Variants in DAAM1 observed in about 807,000 individuals in gnomAD.
DAAM1 encodes the protein disheveled-associated activator of morphogenesis 1.
A neutral mutation model predicts 130.0 loss-of-function variants in DAAM1; 52 were observed. The observed-to-expected ratio is 0.40, with a 90% CI of 0.32 to 0.50. The LOEUF (loss-of-function observed/expected upper bound fraction) is 0.50. DAAM1 is among the 20% of genes least tolerant of loss of function. DAAM1 has a pLI of 0.61. For synonymous variants in DAAM1, 452 were observed against 444.5 expected (o/e 1.02, Z -0.21); for missense variants, 1,134 against 1,303.8 (o/e 0.87, Z 2.01).
intron 15 of DAAM1, among the ~76,000 whole-genome samples, chr14:59,338,153 G>A (rs969966476): frequency 9.2e-5 from 14 of 152,106 alleles, no homozygotes; most frequent in Non-Finnish European, 2.1e-4. Context: ...ATTGGGTACA[G>A]CAAATGTCAT....
intron 1 of DAAM1, among the ~76,000 whole-genome samples, chr14:59,189,689 A>G (rs962851767): frequency 2.6e-5 from 4 of 152,174 alleles, no homozygotes; most frequent in Admixed American, 6.5e-5. Flanking sequence ...CTGAAAGCCA[A>G]CTGCTTGTGA....
At chr14:59,254,183 T>C (rs537020451) in intron 1 of DAAM1, among the ~76,000 whole-genome samples, 5 of 152,320 alleles carry the variant, frequency 3.3e-5, no homozygotes, top group Non-Finnish European at 7.4e-5. Flanking sequence ...TAGGGGTCAT[T>C]ACACCTGGAT....
At chr14:59,354,036 A>G in intron 19 of DAAM1, 72 bp downstream of exon 19, 1 of 1,426,244 alleles carries the variant, frequency 7.0e-7, no homozygotes. Flanking sequence ...ATCCAAGTGC[A>G]TATAGTAAAC....
At chr14:59,277,528 A>G (rs1883024542) in intron 2 of DAAM1, among the ~76,000 whole-genome samples, 1 of 150,726 alleles carries the variant, frequency 6.6e-6, no homozygotes, top group African/African-American at 2.4e-5. Flanking sequence ...ATATATAAAT[A>G]TATAAAAGTA....
At chr14:59,319,180 C>T (rs541519737) in intron 4 of DAAM1, among the ~76,000 whole-genome samples, 1 of 152,272 alleles carries the variant, frequency 6.6e-6, no homozygotes, top group South Asian at 2.1e-4. Flanking sequence ...CCTTACTCAC[C>T]ATCCCCTGGT....
chr14:59,237,072 C>T (rs546017450), intron 1 of DAAM1, among the ~76,000 whole-genome samples: 2 of 152,274 alleles, frequency 1.3e-5, no homozygotes, highest in South Asian at 2.1e-4. Flanking sequence ...GCATTTAGCC[C>T]TTGGGCCGCA....
chr14:59,321,499 A>G (rs753136406), intron 5 of DAAM1, among the ~76,000 whole-genome samples: 3 of 152,244 alleles, frequency 2.0e-5, no homozygotes, highest in African/African-American at 4.8e-5. Flanking sequence ...TTCTGGCAAC[A>G]GTGATTCATT....
chr14:59,263,832 A>G (rs1882302410), intron 2 of DAAM1, 172 bp downstream of exon 2: 9 of 775,282 alleles, frequency 1.2e-5, no homozygotes, highest in African/African-American at 5.2e-5. Context: ...TGGAGAAGGA[A>G]GAGTTAGAAG....
intron 1 of DAAM1, among the ~76,000 whole-genome samples, chr14:59,223,754 G>A (rs1888850917): frequency 6.6e-6 from 1 of 152,188 alleles, no homozygotes; most frequent in Non-Finnish European, 1.5e-5. Flanking sequence ...TTGATGGTAG[G>A]AGGGGCCAAA....
At chr14:59,243,362 A>C in intron 1 of DAAM1, among the ~76,000 whole-genome samples, 1 of 152,008 alleles carries the variant, frequency 6.6e-6, no homozygotes, top group East Asian at 1.9e-4. Flanking sequence ...TCCTTTTTAG[A>C]CTGCCTTTAA....
intron 2 of DAAM1, among the ~76,000 whole-genome samples, chr14:59,284,814 G>A (rs756613996): frequency 6.6e-6 from 1 of 152,072 alleles, no homozygotes. Context: ...AAAAATATGG[G>A]ATTATGTGAA....
intron 18 of DAAM1, among the ~76,000 whole-genome samples, chr14:59,353,268 C>T (rs1341083167): frequency 6.6e-6 from 1 of 152,170 alleles, no homozygotes; most frequent in Non-Finnish European, 1.5e-5. Flanking sequence ...TAGAGAAGGA[C>T]CAGTGGTCCT....
rs114547509 is a variant in DAAM1, at chr14:59,208,688, T to C, written c.-38+19920T>C. Among the ~76,000 whole-genome samples the C allele has an allele frequency of 5.4e-3, 826 of 152,270 alleles. 10 individuals are homozygous for C. The highest frequency in any genetic ancestry group is 0.019 in the African/African-American group (775 of 41,544). On this transcript the variant is annotated intron_variant, in intron 1 of 24. Transcript: ENST00000360909. ...AATAGGCATCAATATCATTTGGATG[T>C]TTGTCCCCTCCAAATCTCATGTCGA...
intron 1 of DAAM1, among the ~76,000 whole-genome samples, chr14:59,251,812 A>C (rs17255451): frequency 0.25 from 38,310 of 152,102 alleles, 5,843 homozygotes; most frequent in Non-Finnish European, 0.35. Flanking sequence ...AATCTTTACA[A>C]AGGGCAGGGT....
intron 2 of DAAM1, among the ~76,000 whole-genome samples, chr14:59,271,608 G>GTCATTTTGATATGA (rs1882709926): frequency 1.3e-5 from 2 of 152,096 alleles, no homozygotes; most frequent in African/African-American, 2.4e-5. Context: ...CATATATTCT[G>GTCATTTTGATATGA]AAGTCATTTT....
At position 59,263,670 on chromosome 14, in the gene DAAM1, A is replaced by C. The variant is rs1275240969; in HGVS notation, c.183+10A>C. 13 of 1,613,430 alleles carry C rather than the reference A, an allele frequency of 8.1e-6. No individual in the cohort carries two copies. The highest frequency in any genetic ancestry group is 1.1e-5 in the Non-Finnish European group (13 of 1,179,786). On this transcript the variant is annotated intron_variant, in intron 2 of 24. Transcript: ENST00000360909. ...GTTCAGTGAACTGGTGGTGAGTCCCAGTTTTCTATCCTGGCATTGGTGGGG... is the reference window on the plus strand; with the variant it reads ...GTTCAGTGAACTGGTGGTGAGTCCCCGTTTTCTATCCTGGCATTGGTGGGG...
At chr14:59,283,451 G>A (rs1019305000) in intron 2 of DAAM1, among the ~76,000 whole-genome samples, 1 of 152,100 alleles carries the variant, frequency 6.6e-6, no homozygotes, top group Non-Finnish European at 1.5e-5. Flanking sequence ...TGCTTCTCTG[G>A]TTGTTCATTG....
intron 1 of DAAM1, among the ~76,000 whole-genome samples, chr14:59,234,205 C>T (rs747512965): frequency 3.9e-5 from 6 of 152,138 alleles, no homozygotes; most frequent in Admixed American, 1.3e-4. Flanking sequence ...AGCATTGAAT[C>T]TATAAATTAC....
chr14:59,265,626 G>C (rs1247455425), intron 2 of DAAM1: 1 of 152,266 alleles, frequency 6.6e-6, no homozygotes, highest in South Asian at 2.1e-4. Flanking sequence ...TTGAAGGTGA[G>C]AAGAAAAGTT....
Sources: gnomAD v4.1 joint callset for allele counts (sites outside exome capture counted in the v4.1 genomes callset) on GRCh38, gnomAD v4.1.1 for gene constraint, MANE v1.5 for transcripts, NCBI Gene and HGNC (gene_info 2026-07-23, HGNC 2026-07-21) for gene names.